Variants in NEK11 observed in about 807,000 individuals in gnomAD.
The protein encoded by NEK11 is serine/threonine-protein kinase Nek11.
In NEK11, 72 loss-of-function variants were observed where a neutral mutation model predicts 80.7. The observed-to-expected ratio is 0.89, with a 90% CI of 0.74 to 1.08. The LOEUF is 1.08. Ranked by LOEUF, NEK11 falls within the 50% of genes least tolerant of loss-of-function variation. The pLI, the probability that NEK11 is intolerant of heterozygous loss-of-function variation, is 0.00. For synonymous variants in NEK11, 251 were observed against 260.7 expected (o/e 0.96, Z 0.36); for missense variants, 764 against 763.6 (o/e 1.00, Z -0.01).
At chr3:131,249,370 T>C (rs2108255662) in intron 16 of NEK11, among the ~76,000 whole-genome samples, 1 of 152,152 alleles carries the variant, frequency 6.6e-6, no homozygotes, top group South Asian at 2.1e-4. Flanking sequence ...GCTGAAGGCA[T>C]GGTATAGGTG....
At chr3:131,086,066 G>T (rs2075942988) in intron 4 of NEK11, among the ~76,000 whole-genome samples, 1 of 152,148 alleles carries the variant, frequency 6.6e-6, no homozygotes. Flanking sequence ...TAGTAGTATT[G>T]TATTCTTCTC....
intron 3 of NEK11, among the ~76,000 whole-genome samples, chr3:131,047,782 G>C (rs1435646998): frequency 6.6e-6 from 1 of 152,204 alleles, no homozygotes; most frequent in Non-Finnish European, 1.5e-5. Context: ...GCTTTCAAGA[G>C]AGCATCAGCT....
chr3:131,207,365 C>G (rs957317741), intron 14 of NEK11, among the ~76,000 whole-genome samples: 2 of 152,092 alleles, frequency 1.3e-5, no homozygotes, highest in African/African-American at 2.4e-5. Context: ...GGGTGGATCA[C>G]GAGGTCAGGA....
chr3:131,275,653 G>A (rs1186541461), intron 17 of NEK11, among the ~76,000 whole-genome samples: 2 of 152,104 alleles, frequency 1.3e-5, no homozygotes, highest in Non-Finnish European at 2.9e-5. Flanking sequence ...AAAGGCAAAA[G>A]GAAATCAAGG....
At chr3:131,134,554 C>T (rs1409798977) in intron 7 of NEK11, among the ~76,000 whole-genome samples, 1 of 152,074 alleles carries the variant, frequency 6.6e-6, no homozygotes, top group African/African-American at 2.4e-5. Flanking sequence ...GCTCCCACCA[C>T]CACGCCTGGC....
chr3:131,070,220 T>C (rs1278229218), intron 3 of NEK11, among the ~76,000 whole-genome samples: 2 of 152,336 alleles, frequency 1.3e-5, no homozygotes, highest in African/African-American at 4.8e-5. Context: ...GAATGAGTGA[T>C]TTGTTGCCTA....
intron 10 of NEK11, among the ~76,000 whole-genome samples, chr3:131,160,774 G>A (rs4618195): frequency 0.81 from 123,813 of 152,126 alleles, 50,470 homozygotes; most frequent in East Asian, 0.85. Flanking sequence ...AGGGGTTGCT[G>A]TTCTAATTTC....
chr3:131,199,115 G>A (rs758668745), intron 14 of NEK11, among the ~76,000 whole-genome samples: 47 of 151,980 alleles, frequency 3.1e-4, no homozygotes, highest in Non-Finnish European at 4.3e-4. Context: ...TAGCCTTGCC[G>A]CAAAATTTCT....
intron 14 of NEK11, among the ~76,000 whole-genome samples, chr3:131,223,056 C>A (rs2095074546): frequency 1.3e-5 from 2 of 152,164 alleles, no homozygotes; most frequent in Non-Finnish European, 2.9e-5. Flanking sequence ...TACAGAAGAT[C>A]TGGAATGCCA....
At chr3:131,258,552 A>G (rs1462995670) in intron 16 of NEK11, among the ~76,000 whole-genome samples, 13 of 152,220 alleles carry the variant, frequency 8.5e-5, no homozygotes, top group Non-Finnish European at 2.9e-5. Context: ...TCTGGCTTCC[A>G]CAAATCTCAT....
intron 14 of NEK11, among the ~76,000 whole-genome samples, chr3:131,188,444 A>G (rs1375128804): frequency 2.0e-5 from 3 of 152,096 alleles, no homozygotes; most frequent in Non-Finnish European, 2.9e-5. Context: ...TTGAGCTTCA[A>G]AAGTGGTTAT....
chr3:131,189,455 T>G (rs1423332861), intron 14 of NEK11, among the ~76,000 whole-genome samples: 12 of 152,326 alleles, frequency 7.9e-5, no homozygotes, highest in Admixed American at 7.2e-4. Context: ...TTCTGGTTCA[T>G]AGATGATGAC....
intron 17 of NEK11, among the ~76,000 whole-genome samples, chr3:131,343,056 A>G (rs1425231349): frequency 1.3e-5 from 2 of 151,998 alleles, no homozygotes; most frequent in Non-Finnish European, 2.9e-5. Flanking sequence ...AAGAGTGTGC[A>G]GTAAAAAAGC....
At chr3:131,343,492 G>A (rs1330266177) in intron 17 of NEK11, among the ~76,000 whole-genome samples, 2 of 152,224 alleles carry the variant, frequency 1.3e-5, no homozygotes, top group Non-Finnish European at 2.9e-5. Flanking sequence ...GAAGTCATTG[G>A]CTGAGAACTA....
chr3:131,341,288 G>T (rs142241716), intron 17 of NEK11, among the ~76,000 whole-genome samples: 1 of 152,024 alleles, frequency 6.6e-6, no homozygotes, highest in African/African-American at 2.4e-5. Flanking sequence ...TTTTTGACCC[G>T]TAATTTATTT....
At chr3:131,196,354 A>G (rs1054423620) in intron 14 of NEK11, among the ~76,000 whole-genome samples, 23 of 152,198 alleles carry the variant, frequency 1.5e-4, no homozygotes, top group Non-Finnish European at 2.9e-4. Context: ...ACACACACAA[A>G]AATAAATTTC....
intron 9 of NEK11, among the ~76,000 whole-genome samples, chr3:131,154,503 G>T (rs1054494518): frequency 1.3e-5 from 2 of 152,196 alleles, no homozygotes; most frequent in African/African-American, 4.8e-5. Context: ...GGTAAGTGAG[G>T]TGGAATTGTG....
At chr3:131,028,400 G>A (rs1269112850) in intron 2 of NEK11, among the ~76,000 whole-genome samples, 1 of 152,116 alleles carries the variant, frequency 6.6e-6, no homozygotes, top group Admixed American at 6.5e-5. Flanking sequence ...TAACTTCAAG[G>A]TGTAGGCAGT....
At chr3:131,285,928 G>C (rs919932947) in intron 17 of NEK11, among the ~76,000 whole-genome samples, 4 of 152,106 alleles carry the variant, frequency 2.6e-5, no homozygotes, top group Admixed American at 6.5e-5. Flanking sequence ...TTTGCAACTT[G>C]GCTACTTTTA....
Sources: allele counts gnomAD v4.1 joint callset (sites outside exome capture counted in the v4.1 genomes callset), GRCh38; gene constraint gnomAD v4.1.1; transcripts MANE v1.5; gene names NCBI Gene and HGNC (gene_info 2026-07-23, HGNC 2026-07-21).